Variants in APBB1IP observed in about 807,000 individuals in gnomAD.
APBB1IP encodes the protein amyloid beta A4 precursor protein-binding family B member 1-interacting protein.
A neutral mutation model predicts 64.9 loss-of-function variants in APBB1IP; 27 were observed. The ratio of observed to expected loss-of-function variants is 0.42; its 90% CI spans 0.31 to 0.57. APBB1IP has a LOEUF of 0.57. Ranked by LOEUF, APBB1IP falls within the 20% of genes least tolerant of loss-of-function variation. APBB1IP has a pLI of 0.20. For missense variants in APBB1IP, 812 were observed against 845.5 expected (o/e 0.96, Z 0.49); for synonymous variants, 392 against 331.0 (o/e 1.18, Z -2.00).
At chr10:26,484,544 A>T (rs1277634099) in intron 2 of APBB1IP, among the ~76,000 whole-genome samples, 1 of 151,926 alleles carries the variant, frequency 6.6e-6, no homozygotes, top group Non-Finnish European at 1.5e-5. Context: ...ACCTCAGGTG[A>T]TCCACCTGCC....
chr10:26,462,844 G>A (rs571912009), intron 2 of APBB1IP, among the ~76,000 whole-genome samples: 3 of 152,076 alleles, frequency 2.0e-5, no homozygotes, highest in Non-Finnish European at 4.4e-5. Context: ...TAATCTCGAT[G>A]CTTCATGCTC....
At chr10:26,520,558 T>A (rs1031125805) in intron 8 of APBB1IP, among the ~76,000 whole-genome samples, 1 of 152,188 alleles carries the variant, frequency 6.6e-6, no homozygotes, top group Non-Finnish European at 1.5e-5. Flanking sequence ...GGCAAGAAAG[T>A]GAATGCAGAG....
intron 11 of APBB1IP, among the ~76,000 whole-genome samples, chr10:26,550,033 T>C (rs865797260): frequency 2.0e-4 from 30 of 152,122 alleles, no homozygotes; most frequent in South Asian, 1.0e-3. Context: ...TTGGTTTTTT[T>C]TTTAATCTTT....
chr10:26,508,981 C>A (rs774740446), intron 6 of APBB1IP, among the ~76,000 whole-genome samples: 3 of 152,152 alleles, frequency 2.0e-5, no homozygotes, highest in Non-Finnish European at 4.4e-5. Flanking sequence ...ATTAATCTTT[C>A]CATCAGGAAC....
chr10:26,522,570 T>C (rs1351395684), intron 8 of APBB1IP, among the ~76,000 whole-genome samples: 1 of 152,234 alleles, frequency 6.6e-6, no homozygotes, highest in Non-Finnish European at 1.5e-5. Context: ...CTCTGTCCCA[T>C]ACTCCTCTTC....
chr10:26,447,715 A>G lies in APBB1IP; in HGVS notation c.-1+8862A>G, dbSNP rs1835417203. Among the ~76,000 whole-genome samples, 4 of 152,296 alleles carry G rather than the reference A, an allele frequency of 2.6e-5. No homozygotes were observed. The South Asian group carries it at 8.3e-4, about 32-fold the overall frequency. ...TGGTGCCACATTAGAAACAGTAAAA[A>G]GAACCATGACTTTTCTTTTTTTTGA... On this transcript the variant is annotated intron_variant, in intron 2 of 14. Transcript: ENST00000376236.
chr10:26,518,069 C>G (rs530739537), intron 8 of APBB1IP, among the ~76,000 whole-genome samples: 1 of 152,054 alleles, frequency 6.6e-6, no homozygotes, highest in Non-Finnish European at 1.5e-5. Context: ...ATTCTCCTGT[C>G]TCAGCCTCCT....
Position 26,513,522 on chromosome 10 carries a change from T to G in APBB1IP, c.692-17T>G, listed in dbSNP as rs750687279. On this transcript the variant is annotated splice_polypyrimidine_tract_variant and intron_variant, in intron 7 of 14. Coordinates refer to ENST00000376236, the MANE Select transcript of APBB1IP (RefSeq NM_019043.4). ...GATGTCTTGGGTCTGAAAGAATACCTTTTCTTATTTCATCAGAGAGGTTTT... is the reference window on the plus strand; with the variant it reads ...GATGTCTTGGGTCTGAAAGAATACCGTTTCTTATTTCATCAGAGAGGTTTT... 5.6e-6 allele frequency: 9 copies of G among 1,611,748 alleles called. No individual in the cohort carries two copies. The highest frequency in any genetic ancestry group is 7.6e-6 in the Non-Finnish European group (9 of 1,179,468).
chr10:26,536,278 G>C, intron 10 of APBB1IP, 61 bp downstream of exon 10: 2 of 1,497,582 alleles, frequency 1.3e-6, no homozygotes, highest in South Asian at 1.3e-5. Flanking sequence ...TGAAACTAAA[G>C]AAATCCTTAG....
chr10:26,491,759 GT>G (rs11403116), intron 2 of APBB1IP, among the ~76,000 whole-genome samples: 425 of 116,546 alleles, frequency 3.6e-3, no homozygotes, highest in Admixed American at 6.1e-3. Flanking sequence ...TTTGTGTAAG[GT>G]TTTTTTTTTT....
chr10:26,504,309 A>AT (rs1564362994), intron 6 of APBB1IP, among the ~76,000 whole-genome samples: 1 of 152,140 alleles, frequency 6.6e-6, no homozygotes, highest in Non-Finnish European at 1.5e-5. Flanking sequence ...TTGATCATGC[A>AT]TTTTTTCAGA....
chr10:26,484,568 G>A (rs1835870910), intron 2 of APBB1IP, among the ~76,000 whole-genome samples: 1 of 152,172 alleles, frequency 6.6e-6, no homozygotes, highest in African/African-American at 2.4e-5. Flanking sequence ...GCCTCACAAA[G>A]TGCTGGTATT....
chr10:26,492,532 GT>G, intron 3 of APBB1IP, 134 bp downstream of exon 3: 2 of 750,778 alleles, frequency 2.7e-6, no homozygotes, highest in Non-Finnish European at 4.3e-6. Flanking sequence ...TTCAATGTAG[GT>G]TCTTTTCTAT....
chr10:26,503,176 G>T, intron 5 of APBB1IP, 21 bp from the exon 6 acceptor site: 1 of 1,613,216 alleles, frequency 6.2e-7, no homozygotes, highest in African/African-American at 1.3e-5. Flanking sequence ...CTGTATTGAA[G>T]AATATCTTGC....
At chr10:26,522,147 T>A (rs536966907) in intron 8 of APBB1IP, among the ~76,000 whole-genome samples, 2 of 152,364 alleles carry the variant, frequency 1.3e-5, no homozygotes, top group South Asian at 4.1e-4. Flanking sequence ...TACAGTTCCA[T>A]GACAATTTGA....
At chr10:26,562,909 T>C (rs1206687203) in intron 14 of APBB1IP, among the ~76,000 whole-genome samples, 1 of 152,252 alleles carries the variant, frequency 6.6e-6, no homozygotes, top group Non-Finnish European at 1.5e-5. Context: ...AAGTTACATA[T>C]GCTAGAATCA....
chr10:26,500,105 G>A (rs1836077762), intron 4 of APBB1IP, among the ~76,000 whole-genome samples: 1 of 151,824 alleles, frequency 6.6e-6, no homozygotes, highest in South Asian at 2.1e-4. Flanking sequence ...CAGCTGCTTG[G>A]GAGGCTGAGT....
At chr10:26,530,835 G>C (rs542084044) in intron 8 of APBB1IP, among the ~76,000 whole-genome samples, 71 of 152,192 alleles carry the variant, frequency 4.7e-4, no homozygotes, top group African/African-American at 1.6e-3. Context: ...AAATAAAATC[G>C]TATCTGTAAA....
At chr10:26,566,751 G>C (rs1457950293) in intron 14 of APBB1IP, among the ~76,000 whole-genome samples, 2 of 151,780 alleles carry the variant, frequency 1.3e-5, no homozygotes, top group African/African-American at 4.8e-5. Flanking sequence ...TTGTCCACTG[G>C]GGCTGCCTTG....
Sources: gnomAD v4.1 joint callset for allele counts (sites outside exome capture counted in the v4.1 genomes callset) on GRCh38, gnomAD v4.1.1 for gene constraint, MANE v1.5 for transcripts, NCBI Gene and HGNC (gene_info 2026-07-23, HGNC 2026-07-21) for gene names.